The following SLC75A1 variants were observed in gnomAD, a reference collection of about 807,000 sequenced individuals.
SLC75A1 encodes major facilitator superfamily domain containing 10.
the SLC75A1 span, chr4:2,933,464 G>T: frequency 5.5e-6 from 7 of 1,271,974 alleles, no homozygotes; most frequent in Admixed American, 7.1e-5. Flanking sequence ...AGCCCAGGGA[G>T]TGGGAAGGCA....
chr4:2,931,038 C>G, the SLC75A1 span: 9 of 1,609,902 alleles, frequency 5.6e-6, no homozygotes, highest in Non-Finnish European at 7.6e-6. Flanking sequence ...CCAGCCTGCC[C>G]CAGCACCATC....
the SLC75A1 span, chr4:2,934,209 C>T: frequency 2.3e-6 from 1 of 427,168 alleles, no homozygotes; most frequent in Non-Finnish European, 4.2e-6. Context: ...GGACCTGGCC[C>T]CACCCCACCC....
the SLC75A1 span, chr4:2,932,922 C>G: frequency 9.3e-7 from 1 of 1,077,768 alleles, no homozygotes; most frequent in Non-Finnish European, 1.3e-6. Context: ...AGGAGCAGCT[C>G]CTTGAAAGCC....
chr4:2,933,842 C>T, the SLC75A1 span: 1 of 1,589,698 alleles, frequency 6.3e-7, no homozygotes, highest in African/African-American at 1.3e-5. Flanking sequence ...CCGAGAAAGA[C>T]AACGGTGACC....
At chr4:2,932,007 G>A in the SLC75A1 span, 3 of 1,606,498 alleles carry the variant, frequency 1.9e-6, no homozygotes, top group South Asian at 3.3e-5. Flanking sequence ...AAGCCCAGGG[G>A]AGAGCAGGCT....
chr4:2,932,249 C>G, the SLC75A1 span: 2 of 1,549,446 alleles, frequency 1.3e-6, no homozygotes, highest in Admixed American at 3.9e-5. Flanking sequence ...GAGAGCGGCC[C>G]AGCCTCCCTG....
chr4:2,933,697 A>G, the SLC75A1 span: 2 of 1,611,574 alleles, frequency 1.2e-6, no homozygotes, highest in Non-Finnish European at 1.7e-6. Context: ...AGGGCTGGGG[A>G]GGTCTGATGG....
At chr4:2,931,466 C>G in the SLC75A1 span, 21 of 1,575,376 alleles carry the variant, frequency 1.3e-5, no homozygotes, top group Non-Finnish European at 1.7e-5. Context: ...GCAGGAGGGC[C>G]TGCAGGTGGG....
the SLC75A1 span, chr4:2,934,270 G>T: frequency 3.4e-6 from 1 of 296,632 alleles, no homozygotes; most frequent in Non-Finnish European, 6.3e-6. Flanking sequence ...ACTTGAAGCC[G>T]CGGGGAACCC....
chr4:2,932,710 C>G, the SLC75A1 span: 1 of 1,602,464 alleles, frequency 6.2e-7, no homozygotes. Flanking sequence ...AGGAAGGCCG[C>G]AAAGCTCCGA....
the SLC75A1 span, chr4:2,933,550 C>T: frequency 1.9e-6 from 3 of 1,613,376 alleles, no homozygotes; most frequent in Non-Finnish European, 2.5e-6. Flanking sequence ...CCGCCAAGGG[C>T]ACAGAGCCAG....
the SLC75A1 span, chr4:2,931,543 G>GAA: frequency 6.2e-7 from 1 of 1,609,122 alleles, no homozygotes; most frequent in Non-Finnish European, 8.5e-7. Context: ...CGCTTTGGAG[G>GAA]GAGCCCCCTA....
At chr4:2,930,986 G>A in the SLC75A1 span, 23 of 1,612,510 alleles carry the variant, frequency 1.4e-5, no homozygotes, top group Middle Eastern at 1.6e-4. Flanking sequence ...CCCAGTCCCC[G>A]AGGGGGCTGG....
chr4:2,932,570 G>T, the SLC75A1 span: 1 of 1,612,466 alleles, frequency 6.2e-7, no homozygotes, highest in Non-Finnish European at 8.5e-7. Context: ...GTCACCACCA[G>T]GACCCCAAAG....
chr4:2,932,231 A>G, the SLC75A1 span: 1 of 1,551,106 alleles, frequency 6.4e-7, no homozygotes, highest in Non-Finnish European at 8.7e-7. Flanking sequence ...CAAGGGTCCC[A>G]ACACCAAGAG....
At chr4:2,931,184 C>T in the SLC75A1 span, 747 of 1,556,818 alleles carry the variant, frequency 4.8e-4, 2 homozygotes, top group African/African-American at 9.1e-3. Flanking sequence ...CACCACTGCC[C>T]TTCTCCCGCT....
the SLC75A1 span, chr4:2,934,077 C>T: frequency 1.2e-6 from 1 of 806,510 alleles, no homozygotes; most frequent in Non-Finnish European, 1.9e-6. Flanking sequence ...GACGCAGGGG[C>T]CGTTCTGGCC....
the SLC75A1 span, chr4:2,934,170 G>C: frequency 1.7e-6 from 1 of 572,562 alleles, no homozygotes; most frequent in Non-Finnish European, 3.1e-6. Flanking sequence ...AAAGGCAACG[G>C]TCCTGAGAGA....
At chr4:2,932,970 C>T in the SLC75A1 span, 1 of 1,033,912 alleles carries the variant, frequency 9.7e-7, no homozygotes, top group East Asian at 2.6e-5. Context: ...CCCGAGAACC[C>T]CCTCCAGGAT....
Sources: allele counts gnomAD v4.1 joint callset, GRCh38; gene constraint gnomAD v4.1.1; transcripts MANE v1.5; gene names NCBI Gene and HGNC (gene_info 2026-07-23, HGNC 2026-07-21).